SLC2A12: variants seen among roughly 807,000 people sequenced by gnomAD.
SLC2A12 encodes solute carrier family 2, facilitated glucose transporter member 12.
A neutral mutation model predicts 41.8 loss-of-function variants in SLC2A12; 23 were observed. The ratio of observed to expected loss-of-function variants is 0.55; its 90% confidence interval spans 0.40 to 0.78. SLC2A12 has a LOEUF of 0.78. Among genes scored for constraint, SLC2A12 ranks in the 30% least tolerant of loss-of-function variants. The pLI, the probability that SLC2A12 is intolerant of heterozygous loss-of-function variation, is 0.00. For missense variants in SLC2A12, 654 were observed against 745.6 expected (o/e 0.88, Z 1.43); for synonymous variants, 295 against 285.9 (o/e 1.03, Z -0.32).
chr6:133,995,214 T>C (rs1776672140), intron 4 of SLC2A12, among the ~76,000 whole-genome samples: 1 of 152,188 alleles, frequency 6.6e-6, no homozygotes, highest in African/African-American at 2.4e-5. Context: ...TGTTTTGTTT[T>C]GTTTTTAAAA....
At chr6:134,030,678 C>T (rs1167438839) in intron 1 of SLC2A12, among the ~76,000 whole-genome samples, 1 of 152,176 alleles carries the variant, frequency 6.6e-6, no homozygotes, top group East Asian at 1.9e-4. Context: ...CAGGAAAGTT[C>T]TCATTATGTT....
chr6:134,017,930 C>T (rs1776985306), intron 2 of SLC2A12, among the ~76,000 whole-genome samples: 1 of 151,862 alleles, frequency 6.6e-6, no homozygotes, highest in South Asian at 2.1e-4. Context: ...TCATCTTTCA[C>T]CAAAGCTTCA....
At chr6:133,993,226 A>G (rs1281612272) in intron 4 of SLC2A12, among the ~76,000 whole-genome samples, 1 of 152,150 alleles carries the variant, frequency 6.6e-6, no homozygotes, top group Non-Finnish European at 1.5e-5. Flanking sequence ...TACCACTTAT[A>G]AGCTGATGGC....
intron 1 of SLC2A12, among the ~76,000 whole-genome samples, chr6:134,037,335 CTTGGG>C (rs1777316710): frequency 6.6e-6 from 1 of 150,376 alleles, no homozygotes; most frequent in South Asian, 2.1e-4. Context: ...GGCTTACCCT[CTTGGG>C]TTAGCATTTT....
intron 2 of SLC2A12, among the ~76,000 whole-genome samples, chr6:134,015,637 G>C (rs1218615192): frequency 6.6e-6 from 1 of 152,158 alleles, no homozygotes; most frequent in African/African-American, 2.4e-5. Flanking sequence ...CTGCGTGTTA[G>C]GGACCTGGAG....
intron 1 of SLC2A12, among the ~76,000 whole-genome samples, chr6:134,050,351 G>T (rs1254874402): frequency 6.6e-6 from 1 of 152,144 alleles, no homozygotes; most frequent in African/African-American, 2.4e-5. Flanking sequence ...ACATTTTAAG[G>T]AAACATTCAG....
chr6:134,045,903 C>T (rs1777449516), intron 1 of SLC2A12, among the ~76,000 whole-genome samples: 1 of 152,118 alleles, frequency 6.6e-6, no homozygotes, highest in South Asian at 2.1e-4. Flanking sequence ...TCTTGAATTC[C>T]TTTGCTTTCA....
At chr6:133,994,532 C>T (rs946182171) in intron 4 of SLC2A12, among the ~76,000 whole-genome samples, 1 of 152,070 alleles carries the variant, frequency 6.6e-6, no homozygotes, top group African/African-American at 2.4e-5. Flanking sequence ...TCGAGACCAT[C>T]CTGGCTAACA....
chr6:134,009,410 T>C (rs1418434593), intron 2 of SLC2A12, among the ~76,000 whole-genome samples: 1 of 152,170 alleles, frequency 6.6e-6, no homozygotes, highest in Non-Finnish European at 1.5e-5. Context: ...TCTTTTTTGA[T>C]TGAATGAAGG....
chr6:134,012,198 C>T (rs1395544538), intron 2 of SLC2A12, among the ~76,000 whole-genome samples: 1 of 152,092 alleles, frequency 6.6e-6, no homozygotes, highest in African/African-American at 2.4e-5. Context: ...AATACTTTTT[C>T]AAGAATATTA....
chr6:133,995,593 T>C (rs1315584476), intron 4 of SLC2A12, among the ~76,000 whole-genome samples: 3 of 152,214 alleles, frequency 2.0e-5, no homozygotes, highest in Non-Finnish European at 4.4e-5. Context: ...CACATGTGAT[T>C]GAAGGCCACT....
chr6:134,052,269 A>ACACACACACACACACACACC, intron 1 of SLC2A12, 109 bp downstream of exon 1: 1 of 779,642 alleles, frequency 1.3e-6, no homozygotes, highest in Non-Finnish European at 2.0e-6. Flanking sequence ...ACACACACAC[A>ACACACACACACACACACACC]CACACACACA....
At chr6:134,035,991 T>C (rs1398949482) in intron 1 of SLC2A12, among the ~76,000 whole-genome samples, 3 of 152,212 alleles carry the variant, frequency 2.0e-5, no homozygotes, top group African/African-American at 4.8e-5. Context: ...CAACTGTAGC[T>C]GGCACTCAAC....
intron 3 of SLC2A12, among the ~76,000 whole-genome samples, chr6:134,006,249 A>C (rs1476283932): frequency 1.3e-5 from 2 of 151,894 alleles, no homozygotes; most frequent in East Asian, 1.9e-4. Context: ...AATCAACAAA[A>C]TTCAGACTGG....
intron 1 of SLC2A12, among the ~76,000 whole-genome samples, chr6:134,040,381 A>G (rs570266576): frequency 6.6e-6 from 1 of 152,280 alleles, no homozygotes; most frequent in Admixed American, 6.5e-5. Context: ...GCCAGGTCTC[A>G]GGTATTTCTT....
Position 134,052,540 on chromosome 6 carries a change from C to A in SLC2A12, c.-60G>T. On this transcript the variant is annotated 5_prime_UTR_variant, in exon 1 of 5. Transcript: ENST00000275230. ...CAAACCGCCCCGACCACCCCCGCTC[C>A]CAGGAGTGGTCACTTTCCCCATAAT... 1 of 1,334,238 alleles carries A rather than the reference C, an allele frequency of 7.5e-7. No homozygotes were observed. The highest frequency in any genetic ancestry group is 1.1e-6 in the Non-Finnish European group (1 of 936,202). The allele number at this position is 1,334,238 out of a possible 1,614,324, so 82.6% of individuals were successfully genotyped here. A position where few individuals can be genotyped will look rare whatever the true frequency, so the allele number is the denominator to read the frequency against.
Position 134,043,570 on chromosome 6 carries a change from G to A in SLC2A12, c.103+8808C>T, listed in dbSNP as rs574319799. ...AGCACTTTGGGAGGCCGAGATGGGC[G>A]GATCACCAGGGCAAGAGATCAAGAC... is the stretch of plus-strand genomic sequence containing the variant. On this transcript the variant is annotated intron_variant, in intron 1 of 4. Coordinates refer to ENST00000275230, the MANE Select transcript of SLC2A12 (RefSeq NM_145176.3). Among the ~76,000 whole-genome samples the A allele has an allele frequency of 2.8e-4, 43 of 152,020 alleles. 1 individual carries two copies. Among genetic ancestry groups the A allele is most frequent in the Middle Eastern group, 3.4e-3 (1 of 294 alleles).
intron 4 of SLC2A12, among the ~76,000 whole-genome samples, chr6:133,997,085 CAAAAAAAAAA>C (rs58295985): frequency 4.2e-5 from 3 of 70,710 alleles, no homozygotes; most frequent in South Asian, 7.5e-4. Flanking sequence ...ACTAAAAATA[CAAAAAAAAAA>C]AAAAAAAAAA....
chr6:134,029,690 G>T lies in SLC2A12; in HGVS notation c.135C>A (p.Val45=), dbSNP rs1321967801. 4.4e-6 allele frequency: 7 copies of T among 1,605,870 alleles called. No individual in the cohort carries two copies. The highest frequency in any genetic ancestry group is 5.9e-6 in the Non-Finnish European group (7 of 1,178,134). ...CCAGGAGGCCACTGACAGCAGCAGT[G>T]ACAGATGACAGGAAGGTAAACATGC... ...GCGMFTFLSS[V]TAAVSGLLVG... Residue 45 remains valine, a synonymous_variant, in exon 2 of 5, where the codon GTC becomes GTA. Coordinates refer to ENST00000275230, the MANE Select transcript of SLC2A12 (RefSeq NM_145176.3).
Sources: allele counts gnomAD v4.1 joint callset (sites outside exome capture counted in the v4.1 genomes callset), GRCh38; gene constraint gnomAD v4.1.1; transcripts MANE v1.5; gene names NCBI Gene and HGNC (gene_info 2026-07-23, HGNC 2026-07-21).